CDH20: variants seen among roughly 807,000 people sequenced by gnomAD.
CDH20 encodes the protein cadherin 20.
CDH20 carries 29 observed loss-of-function variants against 74.2 expected under a neutral mutation model. The ratio of observed to expected loss-of-function variants is 0.39; its 90% CI spans 0.29 to 0.53. The LOEUF is 0.53. CDH20 is among the 20% of genes least tolerant of loss of function. The pLI is 0.69. For missense variants in CDH20, 988 were observed against 1,048.3 expected (o/e 0.94, Z 0.79); for synonymous variants, 469 against 405.4 (o/e 1.16, Z -1.88).
chr18:61,506,899 G>T (rs492160), intron 5 of CDH20, among the ~76,000 whole-genome samples: 127,586 of 152,042 alleles, frequency 0.84, 53,662 homozygotes, highest in South Asian at 0.88. Flanking sequence ...TGACCTCTGA[G>T]CAGGTGTTGC....
chr18:61,340,653 G>A (rs187288414), intron 1 of CDH20, among the ~76,000 whole-genome samples: 2 of 152,080 alleles, frequency 1.3e-5, no homozygotes, highest in Admixed American at 6.5e-5. Context: ...TTTTCTGAAG[G>A]ACTAGCATAC....
chr18:61,481,709 T>C (rs73451477), intron 1 of CDH20, among the ~76,000 whole-genome samples: 2,263 of 152,198 alleles, frequency 0.015, 51 homozygotes, highest in African/African-American at 0.051. Context: ...TATTAATTTT[T>C]TTACATATAT....
chr18:61,383,055 T>A (rs1495803), intron 1 of CDH20, among the ~76,000 whole-genome samples: 38,595 of 152,004 alleles, frequency 0.25, 5,573 homozygotes, highest in East Asian at 0.57. Flanking sequence ...ACCTATGACA[T>A]AGAGTTATAT....
At chr18:61,435,846 T>G (rs1843554857) in intron 1 of CDH20, among the ~76,000 whole-genome samples, 1 of 152,032 alleles carries the variant, frequency 6.6e-6, no homozygotes, top group Admixed American at 6.6e-5. Context: ...CACATAGTTG[T>G]GTAACAATCA....
At chr18:61,431,191 C>G (rs1317430541) in intron 1 of CDH20, among the ~76,000 whole-genome samples, 1 of 152,134 alleles carries the variant, frequency 6.6e-6, no homozygotes, top group East Asian at 1.9e-4. Context: ...TGAGAAATCT[C>G]TCTGTAACTC....
intron 1 of CDH20, among the ~76,000 whole-genome samples, chr18:61,439,688 AT>A (rs1229653568): frequency 3.3e-5 from 5 of 152,066 alleles, no homozygotes. Context: ...TGGCTCTACA[AT>A]TTTTTAGAGT....
chr18:61,416,201 TA>T (rs1455575861), intron 1 of CDH20, among the ~76,000 whole-genome samples: 5 of 152,220 alleles, frequency 3.3e-5, no homozygotes, highest in Non-Finnish European at 7.3e-5. Context: ...TTTGAATAAA[TA>T]ATAACTATCA....
Position 61,405,950 on chromosome 18 carries a change from C to T in CDH20, c.-153+72123C>T, listed in dbSNP as rs530099374. On this transcript the variant is annotated intron_variant, in intron 1 of 11. Transcript: ENST00000262717. ...CTTTGTCTGTTAGGATGTGCAGATT[C>T]CTAGTAGATTTGCTGAACAATCTGA... Among the ~76,000 whole-genome samples the T allele has an allele frequency of 1.7e-3, 253 of 152,306 alleles. 1 individual carries two copies. The highest frequency in any genetic ancestry group is 3.0e-3 in the Non-Finnish European group (204 of 68,018).
At chr18:61,400,295 A>T (rs1912114303) in intron 1 of CDH20, among the ~76,000 whole-genome samples, 1 of 152,078 alleles carries the variant, frequency 6.6e-6, no homozygotes, top group African/African-American at 2.4e-5. Flanking sequence ...ATGAGCATTA[A>T]CTCTTGTCTA....
At position 61,497,941 on chromosome 18, in the gene CDH20, C is replaced by T. The variant is rs1001653736; in HGVS notation, c.247-1245C>T. Among the ~76,000 whole-genome samples, 4 of 152,170 alleles carry T rather than the reference C, an allele frequency of 2.6e-5. No individual in the cohort carries two copies. The East Asian group carries it at 7.7e-4, about 29-fold the overall frequency. ...CTAAATTTAACTAACTGTTTTGTTA[C>T]CACCTTTAGAAAGAGACCATTACCT... On this transcript the variant is annotated intron_variant, in intron 2 of 11. Coordinates refer to ENST00000262717, the MANE Select transcript of CDH20 (RefSeq NM_031891.4).
chr18:61,343,517 CCCAGTGTTT>C (rs1489323866), intron 1 of CDH20, among the ~76,000 whole-genome samples: 3 of 152,102 alleles, frequency 2.0e-5, no homozygotes, highest in African/African-American at 7.2e-5. Flanking sequence ...CCTTTAGATA[CCCAGTGTTT>C]CCAGGGATGG....
intron 1 of CDH20, among the ~76,000 whole-genome samples, chr18:61,463,321 T>G (rs1204146864): frequency 6.6e-6 from 1 of 152,132 alleles, no homozygotes; most frequent in East Asian, 1.9e-4. Context: ...CTCAACTACC[T>G]CCCTCATCCT....
At chr18:61,538,614 G>GTTTTTTTTTTTTTTTTTTT (rs541920246) in intron 8 of CDH20, among the ~76,000 whole-genome samples, 2 of 57,550 alleles carry the variant, frequency 3.5e-5, no homozygotes, top group Admixed American at 2.9e-4. Flanking sequence ...TTTTGTTTTT[G>GTTTTTTTTTTTTTTTTTTT]TTTTTGTTTT....
chr18:61,547,814 A>G (rs1417721391), intron 10 of CDH20, among the ~76,000 whole-genome samples: 1 of 152,072 alleles, frequency 6.6e-6, no homozygotes, highest in Non-Finnish European at 1.5e-5. Flanking sequence ...ACATTCAACA[A>G]AAATTTTCCA....
chr18:61,377,541 C>T (rs749181959), intron 1 of CDH20, among the ~76,000 whole-genome samples: 16 of 150,804 alleles, frequency 1.1e-4, no homozygotes, highest in African/African-American at 2.0e-4. Context: ...TTTACTTGGC[C>T]GCATTGTTAA....
chr18:61,390,951 A>G (rs996780926), intron 1 of CDH20, among the ~76,000 whole-genome samples: 3 of 152,202 alleles, frequency 2.0e-5, no homozygotes, highest in Admixed American at 6.5e-5. Flanking sequence ...ACCATAAAGA[A>G]AACCACTGAC....
chr18:61,335,011 G>T (rs1909710897), intron 1 of CDH20, among the ~76,000 whole-genome samples: 1 of 152,068 alleles, frequency 6.6e-6, no homozygotes, highest in African/African-American at 2.4e-5. Context: ...CAGAGCTGTG[G>T]TGCTGTCAGG....
intron 1 of CDH20, among the ~76,000 whole-genome samples, chr18:61,450,564 A>G (rs1909351171): frequency 6.6e-6 from 1 of 152,062 alleles, no homozygotes; most frequent in Non-Finnish European, 1.5e-5. Context: ...TTTTACTAAA[A>G]AGAACTTTTT....
At chr18:61,545,185 C>T (rs1219759717) in intron 10 of CDH20, 41 bp downstream of exon 10, 2 of 1,263,244 alleles carry the variant, frequency 1.6e-6, no homozygotes, top group Middle Eastern at 1.9e-4. Context: ...TTTTCTACAG[C>T]ATAGGCCAGC....
Sources: allele counts gnomAD v4.1 joint callset (sites outside exome capture counted in the v4.1 genomes callset), GRCh38; gene constraint gnomAD v4.1.1; transcripts MANE v1.5; gene names NCBI Gene and HGNC (gene_info 2026-07-23, HGNC 2026-07-21).